CADPS: variants seen among roughly 807,000 people sequenced by gnomAD.
The protein encoded by CADPS is calcium dependent secretion activator, also known as calcium-dependent secretion activator 1.
Under a neutral mutation model 167.3 loss-of-function variants are expected in CADPS, and 57 were observed. That is an observed-to-expected ratio of 0.34 (90% CI 0.28 to 0.42). CADPS has a LOEUF of 0.42. CADPS is among the 20% of genes least tolerant of loss of function. CADPS has a pLI of 1.00. For missense variants in CADPS, 1,414 were observed against 1,738.1 expected (o/e 0.81, Z 3.32); for synonymous variants, 676 against 635.3 (o/e 1.06, Z -0.96).
chr3:62,454,597 T>C (rs772750879), intron 26 of CADPS, among the ~76,000 whole-genome samples: 6 of 152,188 alleles, frequency 3.9e-5, no homozygotes, highest in South Asian at 2.1e-4. Context: ...TGGAAGTATT[T>C]TGAACAACAA....
chr3:62,635,827 C>G (rs1369912287), intron 6 of CADPS, among the ~76,000 whole-genome samples: 1 of 152,154 alleles, frequency 6.6e-6, no homozygotes, highest in Non-Finnish European at 1.5e-5. Flanking sequence ...TAACCCTTTA[C>G]CACTTGCTGC....
chr3:62,570,521 C>CT (rs2081091152), intron 9 of CADPS, among the ~76,000 whole-genome samples: 1 of 152,200 alleles, frequency 6.6e-6, no homozygotes, highest in Non-Finnish European at 1.5e-5. Context: ...AGCTTGCTCC[C>CT]TTCTGGAATC....
At chr3:62,553,940 A>G (rs2077709285) in intron 10 of CADPS, among the ~76,000 whole-genome samples, 1 of 152,212 alleles carries the variant, frequency 6.6e-6, no homozygotes, top group Admixed American at 6.5e-5. Flanking sequence ...ATTCAAAGAC[A>G]AAAAGACACG....
chr3:62,868,677 T>A (rs550195963), intron 1 of CADPS, among the ~76,000 whole-genome samples: 34 of 152,238 alleles, frequency 2.2e-4, no homozygotes, highest in African/African-American at 7.7e-4. Flanking sequence ...TCACCTTATG[T>A]GAAGATTTAG....
intron 1 of CADPS, among the ~76,000 whole-genome samples, chr3:62,820,692 G>T (rs1010436840): frequency 6.6e-6 from 1 of 151,958 alleles, no homozygotes; most frequent in South Asian, 2.1e-4. Flanking sequence ...GCACTTTTCA[G>T]CTTCAAGGCA....
chr3:62,511,067 C>T (rs1243905403), intron 17 of CADPS, among the ~76,000 whole-genome samples: 4 of 152,134 alleles, frequency 2.6e-5, no homozygotes, highest in African/African-American at 7.2e-5. Context: ...CAACCCATCC[C>T]TTTGCATAAA....
At chr3:62,740,898 C>CTATA (rs1366061846) in intron 3 of CADPS, among the ~76,000 whole-genome samples, 8 of 152,226 alleles carry the variant, frequency 5.3e-5, no homozygotes, top group African/African-American at 1.7e-4. Context: ...CACACTGCCA[C>CTATA]TATATATTAC....
intron 24 of CADPS, among the ~76,000 whole-genome samples, chr3:62,473,297 A>G (rs145946330): frequency 6.6e-6 from 1 of 152,342 alleles, no homozygotes; most frequent in East Asian, 1.9e-4. Context: ...CAGGAAGAGA[A>G]TACCACCAAC....
chr3:62,793,756 T>C (rs922735438), intron 1 of CADPS, among the ~76,000 whole-genome samples: 14 of 152,232 alleles, frequency 9.2e-5, no homozygotes, highest in Admixed American at 7.9e-4. Context: ...AATGTGTGTG[T>C]GCGCACGTGC....
At chr3:62,840,162 G>A (rs564405054) in intron 1 of CADPS, among the ~76,000 whole-genome samples, 3 of 152,062 alleles carry the variant, frequency 2.0e-5, no homozygotes, top group Admixed American at 6.6e-5. Context: ...TATGGGCCTC[G>A]CAAGTTCTTA....
At chr3:62,534,728 G>A (rs2074344949) in intron 12 of CADPS, among the ~76,000 whole-genome samples, 1 of 152,072 alleles carries the variant, frequency 6.6e-6, no homozygotes, top group South Asian at 2.1e-4. Context: ...AAAAAAGATT[G>A]TAATAATGAG....
chr3:62,861,368 T>C (rs1218659656), intron 1 of CADPS, among the ~76,000 whole-genome samples: 1 of 152,182 alleles, frequency 6.6e-6, no homozygotes, highest in Non-Finnish European at 1.5e-5. Context: ...TGAACATTCA[T>C]AGCCCACACA....
chr3:62,767,764 A>G (rs304196), intron 1 of CADPS, among the ~76,000 whole-genome samples: 44,520 of 152,072 alleles, frequency 0.29, 7,545 homozygotes, highest in African/African-American at 0.47. Context: ...TGTTAGCCAC[A>G]TGTATAATTT....
chr3:62,500,093 T>C (rs1001314662), intron 17 of CADPS: 1 of 152,220 alleles, frequency 6.6e-6, no homozygotes, highest in Non-Finnish European at 1.5e-5. Flanking sequence ...TACAAACTTT[T>C]TTCCTTTGGG....
At chr3:62,755,033 C>T (rs2083543341) in intron 2 of CADPS, among the ~76,000 whole-genome samples, 1 of 152,222 alleles carries the variant, frequency 6.6e-6, no homozygotes. Context: ...CAGCACCTGA[C>T]ACTTTAAAAG....
intron 13 of CADPS, among the ~76,000 whole-genome samples, chr3:62,522,234 T>C (rs1284983454): frequency 6.6e-6 from 1 of 152,100 alleles, no homozygotes; most frequent in Non-Finnish European, 1.5e-5. Context: ...CATCTCAAGC[T>C]CAAGCGATCC....
At chr3:62,569,982 A>G (rs2080990863) in intron 9 of CADPS, among the ~76,000 whole-genome samples, 1 of 152,196 alleles carries the variant, frequency 6.6e-6, no homozygotes, top group Non-Finnish European at 1.5e-5. Context: ...AATGCTCAAG[A>G]GTAAAGGTGT....
At chr3:62,548,413 A>G (rs754334006) in intron 11 of CADPS, among the ~76,000 whole-genome samples, 4 of 152,206 alleles carry the variant, frequency 2.6e-5, no homozygotes, top group Non-Finnish European at 5.9e-5. Flanking sequence ...GGAAACTCAC[A>G]GCCATTATAT....
At chr3:62,444,314 A>G (rs1265037800) in intron 27 of CADPS, among the ~76,000 whole-genome samples, 2 of 152,204 alleles carry the variant, frequency 1.3e-5, no homozygotes, top group African/African-American at 2.4e-5. Context: ...ACATCACACT[A>G]CCACCACCAC....
Sources: gnomAD v4.1 joint callset for allele counts (sites outside exome capture counted in the v4.1 genomes callset) on GRCh38, gnomAD v4.1.1 for gene constraint, MANE v1.5 for transcripts, NCBI Gene and HGNC (gene_info 2026-07-23, HGNC 2026-07-21) for gene names.